Variants in BRAP observed in about 807,000 individuals in gnomAD.
BRAP encodes the protein BRCA1-associated protein.
Under a neutral mutation model 73.4 loss-of-function variants are expected in BRAP, and 42 were observed. The ratio of observed to expected loss-of-function variants is 0.57; its 90% CI spans 0.45 to 0.74. The LOEUF (loss-of-function observed/expected upper bound fraction) is 0.74, where lower values mean the gene tolerates loss of function less well. Among genes scored for constraint, BRAP ranks in the 30% least tolerant of loss-of-function variants. The pLI, the probability that BRAP is intolerant of heterozygous loss-of-function variation, is 0.00. For missense variants in BRAP, 593 were observed against 751.4 expected (o/e 0.79, Z 2.46); for synonymous variants, 255 against 267.4 (o/e 0.95, Z 0.45).
At chr12:111,663,262 G>A (rs1886820024) in intron 6 of BRAP, among the ~76,000 whole-genome samples, 1 of 151,874 alleles carries the variant, frequency 6.6e-6, no homozygotes, top group African/African-American at 2.4e-5. Flanking sequence ...GAGACCAGCT[G>A]GGCCAACATG....
chr12:111,646,313 ACT>A (rs1886110693), intron 11 of BRAP, among the ~76,000 whole-genome samples: 1 of 151,540 alleles, frequency 6.6e-6, no homozygotes, highest in Admixed American at 6.6e-5. Context: ...AACCAAAAAC[ACT>A]CACACACAAA....
intron 10 of BRAP, among the ~76,000 whole-genome samples, chr12:111,654,372 G>C (rs1886437204): frequency 6.6e-6 from 1 of 151,208 alleles, no homozygotes; most frequent in African/African-American, 2.4e-5. Context: ...CTGGAGTGCA[G>C]TGGTGCAATC....
chr12:111,674,998 A>G (rs1312648838), intron 4 of BRAP, among the ~76,000 whole-genome samples: 1 of 152,196 alleles, frequency 6.6e-6, no homozygotes, highest in Non-Finnish European at 1.5e-5. Flanking sequence ...GGAAAGGATA[A>G]GGCATGTGAC....
chr12:111,653,630 A>G (rs548708737), intron 10 of BRAP, among the ~76,000 whole-genome samples: 4 of 152,270 alleles, frequency 2.6e-5, no homozygotes, highest in African/African-American at 9.6e-5. Flanking sequence ...ATGAATTTCA[A>G]CCTTGATCCA....
intron 11 of BRAP, among the ~76,000 whole-genome samples, chr12:111,648,081 T>A (rs975407888): frequency 6.6e-6 from 1 of 151,806 alleles, no homozygotes; most frequent in East Asian, 1.9e-4. Context: ...GGGCGGATCA[T>A]GAGGTCAAGA....
At chr12:111,649,781 C>G (rs941107447) in intron 11 of BRAP, among the ~76,000 whole-genome samples, 158 bp downstream of exon 11, 1 of 152,154 alleles carries the variant, frequency 6.6e-6, no homozygotes, top group Non-Finnish European at 1.5e-5. Context: ...GGTATGAAAC[C>G]CCGCATTTTT....
At chr12:111,685,360 C>T (rs919368634) in intron 1 of BRAP, among the ~76,000 whole-genome samples, 12 of 152,326 alleles carry the variant, frequency 7.9e-5, no homozygotes, top group African/African-American at 2.9e-4. Context: ...TTTAATTAAC[C>T]CAGGGACCGT....
chr12:111,657,524 T>C (rs780537115), intron 9 of BRAP, among the ~76,000 whole-genome samples: 73 of 152,334 alleles, frequency 4.8e-4, no homozygotes, highest in Middle Eastern at 6.8e-3. Flanking sequence ...AGTTTTCAAA[T>C]GTCCACTTCC....
In BRAP at chr12:111,664,171, C is replaced by CA. The variant is rs200426517; in HGVS notation, c.896+1467dup. 5.1e-3 allele frequency among the ~76,000 whole-genome samples: 775 copies of CA among 151,598 alleles called. 5 individuals are homozygous for CA. The highest frequency in any genetic ancestry group is 0.017 in the African/African-American group (698 of 41,344). Reference sequence around the variant, plus strand: ...CGAGACCCCATCTCTACAAAACAAACAAAAAAAACAATTAGCTGGGTGAGA... The same window carrying CA: ...CGAGACCCCATCTCTACAAAACAAACAAAAAAAAACAATTAGCTGGGTGAGA... On this transcript the variant is annotated intron_variant, in intron 6 of 11. Transcript: ENST00000419234.
chr12:111,660,198 G>A (rs1886694280), intron 7 of BRAP, among the ~76,000 whole-genome samples: 1 of 151,532 alleles, frequency 6.6e-6, no homozygotes, highest in Non-Finnish European at 1.5e-5. Context: ...GATTTCTAAG[G>A]AGCACTATGT....
chr12:111,658,710 G>T, intron 9 of BRAP, 26 bp downstream of exon 9: 1 of 1,406,096 alleles, frequency 7.1e-7, no homozygotes, highest in Non-Finnish European at 1.0e-6. Flanking sequence ...GAAACAGATA[G>T]AGTGATAACT....
At position 111,683,130 on chromosome 12, in the gene BRAP, G is replaced by A; in HGVS notation, c.244+16C>T. The A allele has an allele frequency of 6.2e-7, 1 of 1,610,290 alleles. No homozygotes were observed. Among genetic ancestry groups the A allele is most frequent in the Non-Finnish European group, 8.5e-7 (1 of 1,178,458 alleles). On this transcript the variant is annotated intron_variant, in intron 2 of 11. Coordinates refer to ENST00000419234, the MANE Select transcript of BRAP (RefSeq NM_006768.5). ...TTCACATTACAAAAGAGAGTCCAGGGTTTTAGAAAGCATACCTGGGTTGGA... is the reference window on the plus strand; with the variant it reads ...TTCACATTACAAAAGAGAGTCCAGGATTTTAGAAAGCATACCTGGGTTGGA...
intron 10 of BRAP, among the ~76,000 whole-genome samples, chr12:111,654,890 A>G (rs1223684277): frequency 6.6e-6 from 1 of 152,214 alleles, no homozygotes; most frequent in Non-Finnish European, 1.5e-5. Context: ...CTAGGTCCAA[A>G]GAAAGGTTCC....
chr12:111,672,694 A>G lies in BRAP; in HGVS notation c.714T>C (p.Tyr238=), dbSNP rs373883415. 4.3e-6 allele frequency: 7 copies of G among 1,613,938 alleles called. No homozygotes were observed. The highest frequency in any genetic ancestry group is 1.3e-5 in the African/African-American group (1 of 74,918). The part of the protein sequence containing the change: ...SIEDDVCQLV[Y]VERAEVLKSE... Reference sequence around the variant, plus strand: ...ATTTGAGCACTTCAGCTCTTTCCACATACACTAGCTGGCAAACGTCATCTT... The same window carrying G: ...ATTTGAGCACTTCAGCTCTTTCCACGTACACTAGCTGGCAAACGTCATCTT... The change falls in exon 5 of 12, where the codon TAT becomes TAC. Residue 238 remains tyrosine (Y), a synonymous_variant. Coordinates refer to ENST00000419234, the MANE Select transcript of BRAP (RefSeq NM_006768.5).
At chr12:111,674,376 G>T (rs369794939) in intron 4 of BRAP, among the ~76,000 whole-genome samples, 185 of 152,232 alleles carry the variant, frequency 1.2e-3, no homozygotes, top group African/African-American at 4.3e-3. Flanking sequence ...CTGTGTAGCT[G>T]TGATTATAGG....
chr12:111,655,960 A>G (rs1472237808), intron 9 of BRAP, among the ~76,000 whole-genome samples: 1 of 152,086 alleles, frequency 6.6e-6, no homozygotes, highest in African/African-American at 2.4e-5. Context: ...ACTCAAATAA[A>G]CTTACCTGTC....
rs1355220078 is a variant in BRAP, at chr12:111,659,358, G to T, written c.973-13C>A. 3.1e-6 allele frequency: 5 copies of T among 1,608,516 alleles called. No homozygotes were observed. The highest frequency in any genetic ancestry group is 1.7e-4 in the Middle Eastern group (1 of 6,050). The stretch of plus-strand genomic sequence containing the variant: ...AAATCCAAAGATTCTGCCGGAAGAG[G>T]TAAGATCTTAATTAGTTAAATAAAA... On this transcript the variant is annotated splice_polypyrimidine_tract_variant and intron_variant, in intron 7 of 11. Coordinates refer to ENST00000419234, the MANE Select transcript of BRAP (RefSeq NM_006768.5).
In BRAP at chr12:111,644,293, A is replaced by G. The variant is rs1468723864; in HGVS notation, c.1685T>C (p.Ile562Thr). Residue 562 changes from isoleucine to threonine, a missense_variant, in exon 12 of 12, where the codon ATC (isoleucine) becomes ACC (threonine). Transcript: ENST00000419234. ...CGAGGCCGAGGCCATGGCGATGTTGATCTGTCCCTCCTGGATTTCCTGCCG... is the reference window on the plus strand; with the variant it reads ...CGAGGCCGAGGCCATGGCGATGTTGGTCTGTCCCTCCTGGATTTCCTGCCG... ...ETRQEIQEGQ[I>T]NIAMASASSP... The G allele has an allele frequency of 2.5e-6, 4 of 1,613,824 alleles. No homozygotes were observed. In the East Asian group the frequency reaches 8.9e-5, roughly 36 times the overall value.
chr12:111,664,395 A>C (rs1439257217), intron 6 of BRAP, among the ~76,000 whole-genome samples: 2 of 152,196 alleles, frequency 1.3e-5, no homozygotes, highest in Non-Finnish European at 2.9e-5. Context: ...CTGGTATAGC[A>C]GATGGACTGA....
Sources: allele counts gnomAD v4.1 joint callset (sites outside exome capture counted in the v4.1 genomes callset), GRCh38; gene constraint gnomAD v4.1.1; transcripts MANE v1.5; gene names NCBI Gene and HGNC (gene_info 2026-07-23, HGNC 2026-07-21).